The following KLHL12 variants were observed in gnomAD, a reference collection of about 807,000 sequenced individuals.
KLHL12 encodes kelch-like protein 12.
KLHL12 carries 17 observed loss-of-function variants against 60.8 expected under a neutral mutation model. The ratio of observed to expected loss-of-function variants is 0.28; its 90% CI spans 0.19 to 0.42. The LOEUF is 0.42. KLHL12 is among the 10% of genes least tolerant of loss of function. The pLI, the probability that KLHL12 is intolerant of heterozygous loss-of-function variation, is 1.00. For missense variants in KLHL12, 468 were observed against 722.3 expected, an observed-to-expected ratio of 0.65 and a Z score of 4.04; for synonymous variants, 220 against 250.9, an observed-to-expected ratio of 0.88 and a Z score of 1.16.
chr1:202,918,087 C>T, intron 4 of KLHL12, 84 bp downstream of exon 4: 1 of 969,342 alleles, frequency 1.0e-6, no homozygotes, highest in Non-Finnish European at 1.6e-6. Context: ...TTATGAAGCC[C>T]TGATGGTAAG....
chr1:202,903,121 C>G (rs2102419365), intron 6 of KLHL12, among the ~76,000 whole-genome samples: 2 of 131,922 alleles, frequency 1.5e-5, no homozygotes, highest in East Asian at 4.5e-4. Flanking sequence ...GATCATGCCA[C>G]TGCACTCTAG....
intron 2 of KLHL12, among the ~76,000 whole-genome samples, chr1:202,920,286 C>T (rs1448381380): frequency 1.3e-5 from 2 of 150,992 alleles, no homozygotes; most frequent in African/African-American, 4.9e-5. Context: ...TCCACTCCAG[C>T]CTGGGCACCA....
rs1037574808 is a variant in KLHL12, at chr1:202,924,562, C to T, written c.195+406G>A. Among the ~76,000 whole-genome samples the T allele has an allele frequency of 2.0e-5, 3 of 152,114 alleles. No individual in the cohort carries two copies. In the East Asian group the frequency reaches 5.8e-4, roughly 29 times the overall value. On this transcript the variant is annotated intron_variant, in intron 2 of 11. Transcript: ENST00000367261. ...ATTGCTTGAGCCCAGGAGTTCAAGA[C>T]CAGCGTGGGCAACATAGTGAGACCC... is the stretch of plus-strand genomic sequence containing the variant.
upstream of KLHL12, chr1:202,928,482 T>C (rs756289171): frequency 2.3e-6 from 3 of 1,301,914 alleles, no homozygotes; most frequent in Non-Finnish European, 3.0e-6. Context: ...ATGTTTTACC[T>C]TCCAGGTACT....
chr1:202,927,364 A>G (rs1260834492), upstream of KLHL12: 2 of 743,188 alleles, frequency 2.7e-6, no homozygotes, highest in Admixed American at 6.3e-5. Context: ...GGGCTTCTGT[A>G]CGCTGCTAGG....
intron 4 of KLHL12, among the ~76,000 whole-genome samples, chr1:202,917,639 C>T (rs1660562854): frequency 2.0e-5 from 3 of 152,290 alleles, no homozygotes; most frequent in Admixed American, 6.5e-5. Flanking sequence ...ATTTCTGATC[C>T]ACTCCTGAGC....
At chr1:202,914,112 G>A (rs538241790) in intron 4 of KLHL12, among the ~76,000 whole-genome samples, 1 of 152,330 alleles carries the variant, frequency 6.6e-6, no homozygotes, top group South Asian at 2.1e-4. Flanking sequence ...GCAAGGGCCA[G>A]GTACAGAGAG....
rs1179001825 is a variant in KLHL12 at position 202,893,905 on chromosome 1, T to G, written c.1393+279A>C. On this transcript the variant is annotated intron_variant, in intron 10 of 11. Coordinates refer to ENST00000367261, the MANE Select transcript of KLHL12 (RefSeq NM_021633.4). This position sits in a 1 kb window ranked among gnomAD's most constrained non-coding sequence, Gnocchi z 4.1. The stretch of plus-strand genomic sequence containing the variant: ...TGTCCTTATGCATTAGAGACTTTAT[T>G]TAACAGATATTTATTAAGCATGTAC... Among the ~76,000 whole-genome samples, 3 of 152,210 alleles carry G rather than the reference T, an allele frequency of 2.0e-5. No homozygotes were observed. The highest frequency in any genetic ancestry group is 4.4e-5 in the Non-Finnish European group (3 of 68,042).
chr1:202,900,651 G>A (rs777294317), intron 6 of KLHL12, among the ~76,000 whole-genome samples: 3 of 152,152 alleles, frequency 2.0e-5, no homozygotes, highest in Non-Finnish European at 2.9e-5. Context: ...ATCACTTGAG[G>A]TCAGGAGTTC....
intron 2 of KLHL12, among the ~76,000 whole-genome samples, chr1:202,922,121 A>T (rs189051856): frequency 5.3e-5 from 8 of 152,338 alleles, no homozygotes; most frequent in African/African-American, 1.7e-4. Context: ...TAAATATGGA[A>T]ACAATTTCAC....
chr1:202,894,508 C>T (rs1351534670), intron 9 of KLHL12, 83 bp downstream of exon 9: 7 of 1,411,862 alleles, frequency 5.0e-6, no homozygotes, highest in African/African-American at 1.4e-5. Context: ...AGTCTATGAA[C>T]GTCATTTTGG....
In KLHL12 at chr1:202,903,629, C is replaced by CTTTTTTTTTTTTTTTTTTTTTTTTTTTT. The variant is rs1220119536; in HGVS notation, c.832+5380_832+5381insAAAAAAAAAAAAAAAAAAAAAAAAAAAA. 7.9e-5 allele frequency among the ~76,000 whole-genome samples: 6 copies of CTTTTTTTTTTTTTTTTTTTTTTTTTTTT among 76,084 alleles called. 1 individual carries two copies. The highest frequency in any genetic ancestry group is 4.3e-4 in the East Asian group (1 of 2,304). 49.9% of individuals were successfully genotyped at this position (76,084 alleles called of 152,430 possible). A position where few individuals can be genotyped will look rare whatever the true frequency, so the allele number is the denominator to read the frequency against. On this transcript the variant is annotated intron_variant, in intron 6 of 11. Transcript: ENST00000367261. ...CTGGGACCACTAATTTTTTTCTTTT[C>CTTTTTTTTTTTTTTTTTTTTTTTTTTTT]TTTTTTTTTTTGAAACGGCGTCTTG...
At position 202,891,331 on chromosome 1, in the gene KLHL12, C is replaced by T. The variant is rs932170841; in HGVS notation, c.*1202G>A. 1.3e-5 allele frequency: 2 copies of T among 152,584 alleles called. No homozygotes were observed. The highest frequency in any genetic ancestry group is 4.8e-5 in the African/African-American group (2 of 41,436). The allele number at this position is 152,584 out of a possible 1,614,324, so 9.5% of individuals were successfully genotyped here. A position where few individuals can be genotyped will look rare whatever the true frequency, so the allele number is the denominator to read the frequency against. Reference sequence around the variant, plus strand: ...AATGGTAGCTCAGAAATGTTGATAGCTGAGGTACTGAAACTAACAAAAGGA... The same window carrying T: ...AATGGTAGCTCAGAAATGTTGATAGTTGAGGTACTGAAACTAACAAAAGGA... On this transcript the variant is annotated 3_prime_UTR_variant, in exon 12 of 12. Coordinates refer to ENST00000367261, the MANE Select transcript of KLHL12 (RefSeq NM_021633.4).
chr1:202,926,557 G>T (rs762601246), intron 1 of KLHL12, among the ~76,000 whole-genome samples: 6 of 152,130 alleles, frequency 3.9e-5, no homozygotes, highest in Non-Finnish European at 5.9e-5. Context: ...GTGTAAAAAG[G>T]TCTAGAACAA....
intron 11 of KLHL12, 112 bp from the exon 12 acceptor site, chr1:202,892,771 G>A (rs1659717184): frequency 1.8e-6 from 2 of 1,122,012 alleles, no homozygotes; most frequent in Admixed American, 2.4e-5. Flanking sequence ...AAGCCCAGGA[G>A]GGAATTTGAG....
intron 4 of KLHL12, 36 bp downstream of exon 4, chr1:202,918,135 T>A (rs1298155338): frequency 6.7e-7 from 1 of 1,498,798 alleles, no homozygotes; most frequent in South Asian, 1.1e-5. Context: ...AATTGCCCAA[T>A]CTTGAAGAAA....
At chr1:202,896,418 T>A (rs1659836005) in intron 7 of KLHL12, among the ~76,000 whole-genome samples, 1 of 152,196 alleles carries the variant, frequency 6.6e-6, no homozygotes, top group Non-Finnish European at 1.5e-5. Flanking sequence ...CTTGAACTCC[T>A]GGCCTCAAGA....
At chr1:202,905,215 C>T (rs1377444668) in intron 6 of KLHL12, among the ~76,000 whole-genome samples, 1 of 152,176 alleles carries the variant, frequency 6.6e-6, no homozygotes, top group Non-Finnish European at 1.5e-5. Flanking sequence ...AGTTCTCTAA[C>T]CAAGCAGGAG....
At chr1:202,904,739 G>A (rs1660129622) in intron 6 of KLHL12, among the ~76,000 whole-genome samples, 1 of 152,186 alleles carries the variant, frequency 6.6e-6, no homozygotes, top group Non-Finnish European at 1.5e-5. Context: ...TGTGTGTGCT[G>A]TGACACGTTG....
Sources: allele counts gnomAD v4.1 joint callset (sites outside exome capture counted in the v4.1 genomes callset), GRCh38; gene constraint gnomAD v4.1.1; non-coding constraint Gnocchi (gnomAD v3.1); transcripts MANE v1.5; gene names NCBI Gene and HGNC (gene_info 2026-07-23, HGNC 2026-07-21).